The following SCYL3 variants were observed in gnomAD, a reference collection of about 807,000 sequenced individuals.
The protein encoded by SCYL3 is protein-associating with the carboxyl-terminal domain of ezrin.
Under a neutral mutation model 73.8 loss-of-function variants are expected in SCYL3, and 35 were observed. The ratio of observed to expected loss-of-function variants is 0.47; its 90% CI spans 0.36 to 0.63. The LOEUF (loss-of-function observed/expected upper bound fraction) is 0.63, where lower values mean the gene tolerates loss of function less well. Ranked by LOEUF, SCYL3 falls within the 20% of genes least tolerant of loss-of-function variation. SCYL3 has a pLI of 0.00. For synonymous variants in SCYL3, 277 were observed against 295.2 expected, an observed-to-expected ratio of 0.94 and a Z score of 0.63; for missense variants, 712 against 798.9, an observed-to-expected ratio of 0.89 and a Z score of 1.31.
chr1:169,879,690 T>C (rs1661108688), intron 2 of SCYL3, among the ~76,000 whole-genome samples: 1 of 152,056 alleles, frequency 6.6e-6, no homozygotes, highest in South Asian at 2.1e-4. Context: ...ACCACAAAAA[T>C]GTAACACATT....
At chr1:169,878,045 A>C (rs958989844) in intron 3 of SCYL3, among the ~76,000 whole-genome samples, 1 of 152,230 alleles carries the variant, frequency 6.6e-6, no homozygotes, top group Non-Finnish European at 1.5e-5. Context: ...TAATACTGTC[A>C]AGAAACAGAC....
At chr1:169,854,004 G>C in intron 12 of SCYL3, 3 of 596,932 alleles carry the variant, frequency 5.0e-6, no homozygotes, top group Non-Finnish European at 8.7e-6. Flanking sequence ...AAATCAGTGT[G>C]GATGACACCA....
In SCYL3 at chr1:169,870,364, G is replaced by A. The variant is rs1171548952; in HGVS notation, c.523-7C>T. ...GAGTTGTGAATTCTGGAGACTAAAA[G>A]CAGTGAAGACAATTAAAACTAGAGG... On this transcript the variant is annotated splice_polypyrimidine_tract_variant and splice_region_variant and intron_variant, in intron 5 of 12. Coordinates refer to ENST00000367771, the MANE Select transcript of SCYL3 (RefSeq NM_020423.7). The A allele has an allele frequency of 6.3e-7, 1 of 1,592,392 alleles. No individual in the cohort carries two copies.
intron 7 of SCYL3, among the ~76,000 whole-genome samples, chr1:169,868,651 TTA>T (rs760416942): frequency 6.6e-5 from 10 of 152,240 alleles, no homozygotes; most frequent in Non-Finnish European, 1.3e-4. Flanking sequence ...TTCTTCACTA[TTA>T]GAAGCCCTAA....
At chr1:169,876,953 TCAAA>T (rs1395497296) in intron 3 of SCYL3, among the ~76,000 whole-genome samples, 3 of 63,992 alleles carry the variant, frequency 4.7e-5, no homozygotes, top group Admixed American at 2.5e-4. Context: ...AGACCTTGTC[TCAAA>T]TAAAAAAAAA....
intron 2 of SCYL3, among the ~76,000 whole-genome samples, chr1:169,881,725 A>C (rs1661276130): frequency 2.0e-5 from 3 of 152,082 alleles, no homozygotes; most frequent in African/African-American, 7.2e-5. Context: ...ATCACTTAAC[A>C]CAGCGGTCCC....
At chr1:169,870,729 G>T (rs949117583) in intron 5 of SCYL3, among the ~76,000 whole-genome samples, 1 of 151,306 alleles carries the variant, frequency 6.6e-6, no homozygotes. Context: ...TACTATCTAA[G>T]ATGCCCAAAG....
In SCYL3 at chr1:169,854,405, A is replaced by G. The variant is rs1321810307; in HGVS notation, c.1872T>C (p.Asp624=). 3 of 1,613,984 alleles carry G rather than the reference A, an allele frequency of 1.9e-6. No homozygotes were observed. Among genetic ancestry groups the G allele is most frequent in the Admixed American group, 3.3e-5 (2 of 60,008 alleles). Residue 624 remains aspartate, a synonymous_variant, in exon 12 of 13, where the codon GAT becomes GAC. Coordinates refer to ENST00000367771, the MANE Select transcript of SCYL3 (RefSeq NM_020423.7). The part of the protein sequence containing the change: ...VKDPEMDWFA[D]MIPEIKPSAA... ...CAGAAGGCTTAATTTCTGGGATCATATCAGCAAACCAATCCATCTCAGGAT... is the reference window on the plus strand; with the variant it reads ...CAGAAGGCTTAATTTCTGGGATCATGTCAGCAAACCAATCCATCTCAGGAT...
rs757781278 is a variant in SCYL3, at chr1:169,850,657, A to G, written c.*3056T>C. 6.2e-5 allele frequency: 13 copies of G among 209,302 alleles called. No homozygotes were observed. Among genetic ancestry groups the G allele is most frequent in the Non-Finnish European group, 1.3e-4 (13 of 101,302 alleles). The allele number at this position is 209,302 out of a possible 1,614,324, so 13.0% of individuals were successfully genotyped here. Reference sequence around the variant, plus strand: ...CTAAAAATACAAAAATTAGCCGGGCATGGTGGTACGCGCCTGCAGTCCCAG... The same window carrying G: ...CTAAAAATACAAAAATTAGCCGGGCGTGGTGGTACGCGCCTGCAGTCCCAG... On this transcript the variant is annotated 3_prime_UTR_variant, in exon 13 of 13. Coordinates refer to ENST00000367771, the MANE Select transcript of SCYL3 (RefSeq NM_020423.7).
chr1:169,863,200 C>T (rs548692664), intron 9 of SCYL3, among the ~76,000 whole-genome samples: 24 of 152,226 alleles, frequency 1.6e-4, no homozygotes, highest in East Asian at 5.8e-4. Flanking sequence ...CGTGAGCCAC[C>T]GCGCCCGGCC....
At chr1:169,854,063 A>AAT (rs1357971991) in intron 12 of SCYL3, 3 of 585,948 alleles carry the variant, frequency 5.1e-6, no homozygotes, top group Non-Finnish European at 8.8e-6. Context: ...AAAAGGTTAC[A>AAT]ATAGCTCATT....
Position 169,853,052 on chromosome 1 carries a change from T to C in SCYL3, c.*661A>G. ...ACTGAAAATACTTATGTCTGTACAT[T>C]TTCTAACAGATATAAAACAAATTTT... On this transcript the variant is annotated 3_prime_UTR_variant, in exon 13 of 13. Transcript: ENST00000367771. 1 of 1,508,964 alleles carries C rather than the reference T, an allele frequency of 6.6e-7. No individual in the cohort carries two copies. The highest frequency in any genetic ancestry group is 1.8e-5 in the Admixed American group (1 of 54,468). The allele number at this position is 1,508,964 out of a possible 1,614,324, so 93.5% of individuals were successfully genotyped here. A position where few individuals can be genotyped will look rare whatever the true frequency, so the allele number is the denominator to read the frequency against.
At chr1:169,874,650 G>A (rs1172419125) in intron 4 of SCYL3, among the ~76,000 whole-genome samples, 1 of 152,206 alleles carries the variant, frequency 6.6e-6, no homozygotes, top group East Asian at 1.9e-4. Flanking sequence ...GTGAGGCCAG[G>A]CTCGGTGGCT....
rs569065251 is a variant in SCYL3, at chr1:169,893,770, C to G, written c.-51+18G>C. 1 of 152,400 alleles carries G rather than the reference C, an allele frequency of 6.6e-6. No individual in the cohort carries two copies. The highest frequency in any genetic ancestry group is 2.4e-5 in the African/African-American group (1 of 41,444). The allele number at this position is 152,400 out of a possible 1,614,324, so 9.4% of individuals were successfully genotyped here. A position where few individuals can be genotyped will look rare whatever the true frequency, so the allele number is the denominator to read the frequency against. On this transcript the variant is annotated intron_variant, in intron 1 of 12. Coordinates refer to ENST00000367771, the MANE Select transcript of SCYL3 (RefSeq NM_020423.7). ...AGTCCTGCAAGGACTGGGGGCGCAG[C>G]GCAGGGCTCCCTGTTACCTGCAGGA...
At chr1:169,856,812 G>A (rs983840776) in intron 11 of SCYL3, among the ~76,000 whole-genome samples, 5 of 152,106 alleles carry the variant, frequency 3.3e-5, no homozygotes, top group African/African-American at 1.2e-4. Flanking sequence ...CAGCCATGAC[G>A]CTGGTTTCAT....
intron 6 of SCYL3, among the ~76,000 whole-genome samples, chr1:169,869,924 A>G (rs1252710542): frequency 6.6e-6 from 1 of 152,256 alleles, no homozygotes; most frequent in East Asian, 1.9e-4. Flanking sequence ...ATCATTAATG[A>G]TAGTTATGTA....
chr1:169,871,852 TAA>T (rs1338849131), intron 5 of SCYL3, among the ~76,000 whole-genome samples: 1 of 152,118 alleles, frequency 6.6e-6, no homozygotes, highest in Non-Finnish European at 1.5e-5. Flanking sequence ...ACTTTGAACT[TAA>T]GAGAGGATTT....
intron 11 of SCYL3, 127 bp downstream of exon 11, chr1:169,858,914 G>T: frequency 1.2e-6 from 1 of 804,222 alleles, no homozygotes; most frequent in Non-Finnish European, 1.9e-6. Context: ...TTCAGAAAGA[G>T]AAATTAACTT....
intron 1 of SCYL3, among the ~76,000 whole-genome samples, chr1:169,891,315 T>A (rs1023589309): frequency 3.9e-5 from 6 of 152,214 alleles, no homozygotes; most frequent in African/African-American, 1.4e-4. Context: ...ATTACTACTA[T>A]CCATCTCAAG....
Sources: allele counts gnomAD v4.1 joint callset (sites outside exome capture counted in the v4.1 genomes callset), GRCh38; gene constraint gnomAD v4.1.1; transcripts MANE v1.5; gene names NCBI Gene and HGNC (gene_info 2026-07-23, HGNC 2026-07-21).